IL20RB: variants seen among roughly 807,000 people sequenced by gnomAD.
IL20RB encodes the protein interleukin 20 receptor subunit beta.
IL20RB carries 21 observed loss-of-function variants against 33.3 expected under a neutral mutation model. That is an observed-to-expected ratio of 0.63 (90% CI 0.45 to 0.91). The LOEUF (loss-of-function observed/expected upper bound fraction) is 0.91. IL20RB is among the 40% of genes least tolerant of loss of function. The probability of loss-of-function intolerance (pLI) is 0.00; values close to 1 mark genes in which losing one functional copy is unlikely to be tolerated. For synonymous variants in IL20RB, 147 were observed against 146.8 expected (o/e 1.00, Z -0.01); for missense variants, 345 against 384.8 (o/e 0.90, Z 0.86).
In IL20RB at chr3:136,995,251, G is replaced by A. The variant is rs77889593; in HGVS notation, c.683-163G>A. On this transcript the variant is annotated intron_variant, in intron 5 of 6. Transcript: ENST00000329582. ...GGATTCTAGAAAAATGCTTTTAATG[G>A]TGGTAATTTTGGTCACTAGGGCACA... 1.6e-3 allele frequency among the ~76,000 whole-genome samples: 244 copies of A among 152,290 alleles called. 1 individual carries two copies. The highest frequency in any genetic ancestry group is 5.2e-3 in the African/African-American group (215 of 41,548).
chr3:136,959,639 T>C (rs553308356), intron 1 of IL20RB: 1 of 152,360 alleles, frequency 6.6e-6, no homozygotes, highest in African/African-American at 2.4e-5. Flanking sequence ...GCCCGTCTTA[T>C]AAGTATTTTC....
intron 1 of IL20RB, among the ~76,000 whole-genome samples, chr3:136,967,142 G>A (rs1292971976): frequency 4.2e-5 from 6 of 144,166 alleles, no homozygotes; most frequent in African/African-American, 1.0e-4. Flanking sequence ...TGGAATAGGT[G>A]TGGTGTGGTG....
intron 5 of IL20RB, among the ~76,000 whole-genome samples, chr3:136,994,559 A>G (rs1490116764): frequency 6.6e-6 from 1 of 152,228 alleles, no homozygotes; most frequent in African/African-American, 2.4e-5. Flanking sequence ...CAGCTTCTCC[A>G]GTCTCATTGA....
Position 136,995,533 on chromosome 3 carries a change from G to C in IL20RB, c.802G>C (p.Val268Leu). 10 of 1,614,112 alleles carry C rather than the reference G, an allele frequency of 6.2e-6. No homozygotes were observed. The highest frequency in any genetic ancestry group is 8.5e-6 in the Non-Finnish European group (10 of 1,180,008). Residue 268 changes from valine to leucine, a missense_variant, in exon 6 of 7, where the codon GTG becomes CTG. Coordinates refer to ENST00000329582, the MANE Select transcript of IL20RB (RefSeq NM_144717.4). ...GCTGCTCCAGTACTCCTGTTGCCCC[G>C]TGGTGGTCCTCCCAGACACCTTGGT... The part of the protein sequence containing the change: ...GRLLQYSCCP[V>L]VVLPDTLKIT...
intron 3 of IL20RB, among the ~76,000 whole-genome samples, chr3:136,984,510 C>T (rs1269238266): frequency 2.6e-5 from 4 of 151,884 alleles, no homozygotes; most frequent in African/African-American, 9.7e-5. Flanking sequence ...GGCAGAAGAG[C>T]TTCTGTTGTG....
At chr3:136,961,135 G>C (rs1261775436) in intron 1 of IL20RB, among the ~76,000 whole-genome samples, 1 of 152,198 alleles carries the variant, frequency 6.6e-6, no homozygotes, top group Non-Finnish European at 1.5e-5. Context: ...TTAGACCTAG[G>C]CTAATTTCCC....
chr3:136,958,222 A>C, intron 1 of IL20RB, 21 bp downstream of exon 1: 1 of 1,488,918 alleles, frequency 6.7e-7, no homozygotes, highest in South Asian at 1.1e-5. Flanking sequence ...ATTAGAATAC[A>C]TCCAATAGTT....
At chr3:137,004,263 A>T (rs1560078281) in intron 6 of IL20RB, among the ~76,000 whole-genome samples, 1 of 152,108 alleles carries the variant, frequency 6.6e-6, no homozygotes, top group Non-Finnish European at 1.5e-5. Flanking sequence ...TGATATCAGG[A>T]TGATGCTGGC....
At chr3:137,007,337 A>G (rs1241162431) in intron 6 of IL20RB, among the ~76,000 whole-genome samples, 1 of 151,852 alleles carries the variant, frequency 6.6e-6, no homozygotes, top group African/African-American at 2.4e-5. Flanking sequence ...TCAGACAGGG[A>G]CGTTTAAGTC....
intron 1 of IL20RB, among the ~76,000 whole-genome samples, chr3:136,975,908 G>A (rs906645370): frequency 6.6e-6 from 1 of 152,242 alleles, no homozygotes; most frequent in Non-Finnish European, 1.5e-5. Context: ...GGCAGTGGTA[G>A]TGGTGGACTG....
intron 1 of IL20RB, among the ~76,000 whole-genome samples, chr3:136,974,674 T>C (rs971749989): frequency 3.9e-5 from 6 of 152,228 alleles, no homozygotes; most frequent in Admixed American, 1.3e-4. Context: ...TTGCTAGACA[T>C]AGGATGTTTT....
intron 3 of IL20RB, among the ~76,000 whole-genome samples, chr3:136,988,180 C>T (rs138227636): frequency 1.1e-4 from 17 of 152,302 alleles, no homozygotes; most frequent in African/African-American, 4.1e-4. Context: ...CAGATTTAGC[C>T]CAGAACATGC....
At chr3:136,982,936 A>G (rs551426756) in intron 3 of IL20RB, among the ~76,000 whole-genome samples, 2 of 152,342 alleles carry the variant, frequency 1.3e-5, no homozygotes, top group South Asian at 2.1e-4. Context: ...GTCATTGTAT[A>G]AAAGGACATG....
chr3:137,000,545 A>G (rs1446167677), intron 6 of IL20RB, among the ~76,000 whole-genome samples: 2 of 152,210 alleles, frequency 1.3e-5, no homozygotes, highest in African/African-American at 2.4e-5. Context: ...TTGCTCTACC[A>G]TGATTTAAGG....
intron 1 of IL20RB, among the ~76,000 whole-genome samples, chr3:136,976,301 C>A (rs1181404745): frequency 1.3e-5 from 2 of 152,088 alleles, no homozygotes; most frequent in Admixed American, 1.3e-4. Flanking sequence ...GGGGTCAGGG[C>A]AATCCTCAGG....
At chr3:136,985,900 G>A (rs1407496638) in intron 3 of IL20RB, among the ~76,000 whole-genome samples, 1 of 152,138 alleles carries the variant, frequency 6.6e-6, no homozygotes, top group East Asian at 1.9e-4. Context: ...AAAGAAATGG[G>A]CTCAAATTCT....
chr3:137,002,257 T>C (rs1056985943), intron 6 of IL20RB, among the ~76,000 whole-genome samples: 3 of 152,176 alleles, frequency 2.0e-5, no homozygotes, highest in Non-Finnish European at 2.9e-5. Flanking sequence ...GTCTTTATAG[T>C]AGCATGATTT....
Position 137,010,150 on chromosome 3 carries a change from G to T in IL20RB, c.863G>T (p.Arg288Ile). 1 of 1,607,498 alleles carries T rather than the reference G, an allele frequency of 6.2e-7. No individual in the cohort carries two copies. Among genetic ancestry groups the T allele is most frequent in the South Asian group, 1.1e-5 (1 of 90,956 alleles). Residue 288 changes from arginine to isoleucine, a missense_variant, in exon 7 of 7, where the codon AGA becomes ATA. Arg to Ile is a moderately conservative substitution (Grantham distance 97). Coordinates refer to ENST00000329582, the MANE Select transcript of IL20RB (RefSeq NM_144717.4). ...TCACCCCAGAAGTTAATCAGCTGCA[G>T]AAGGGAGGAGGTGGATGCCTGTGCC... Reference protein sequence around the residue: ...TNSPQKLISCRREEVDACATA... With the variant: ...TNSPQKLISCIREEVDACATA...
chr3:136,970,611 TTTCCTTCCTTCC>T (rs71134422), intron 1 of IL20RB, among the ~76,000 whole-genome samples: 2,087 of 142,116 alleles, frequency 0.015, 23 homozygotes, highest in Middle Eastern at 0.018. Context: ...GTTATTCTAG[TTTCCTTCCTTCC>T]TTCCTTCCTT....
Sources: allele counts gnomAD v4.1 joint callset (sites outside exome capture counted in the v4.1 genomes callset), GRCh38; gene constraint gnomAD v4.1.1; transcripts MANE v1.5; gene names NCBI Gene and HGNC (gene_info 2026-07-23, HGNC 2026-07-21).